Variants in SCYL2 observed in about 807,000 individuals in gnomAD.
The protein encoded by SCYL2 is SCY1 like pseudokinase 2.
In SCYL2, 36 loss-of-function variants were observed where a neutral mutation model predicts 100.4. The observed-to-expected ratio is 0.36, with a 90% confidence interval of 0.27 to 0.47. The LOEUF is 0.47. Ranked by LOEUF, SCYL2 falls within the 20% of genes least tolerant of loss-of-function variation. SCYL2 has a pLI of 1.00. For synonymous variants in SCYL2, 330 were observed against 359.2 expected, an observed-to-expected ratio of 0.92 and a Z score of 0.92; for missense variants, 902 against 1,083.9, an observed-to-expected ratio of 0.83 and a Z score of 2.36.
chr12:100,270,799 T>G lies in SCYL2; in HGVS notation c.-29+3007T>G, dbSNP rs79360866. Among the ~76,000 whole-genome samples the G allele has an allele frequency of 5.6e-3, 849 of 152,154 alleles. 9 individuals carry two copies. Among genetic ancestry groups the G allele is most frequent in the African/African-American group, 0.02 (810 of 41,506 alleles). On this transcript the variant is annotated intron_variant, in intron 1 of 17. Transcript: ENST00000360820. ...TTGCTTTTTAAATCTTAAATCTTAT[T>G]GTACAGTGGTCTTAAAATTTGTGAC...
chr12:100,281,828 C>T (rs1438225177), intron 1 of SCYL2, among the ~76,000 whole-genome samples: 13 of 141,216 alleles, frequency 9.2e-5, no homozygotes, highest in African/African-American at 1.3e-4. Flanking sequence ...AGCTAGACTC[C>T]GTCTCAAAAA....
In SCYL2 at chr12:100,338,945, C is replaced by G; in HGVS notation, c.2563C>G (p.Gln855Glu). 1 of 1,614,116 alleles carries G rather than the reference C, an allele frequency of 6.2e-7. No individual in the cohort carries two copies. ...TCAGAAACCCAAAGTTAGCATGAAC[C>G]AGTTATCACAACAGAAACCAAATCA... ...GPQKPKVSMN[Q>E]LSQQKPNQWL... is the part of the protein sequence containing the mutation. Residue 855 changes from glutamine (Q) to glutamate (E), a missense_variant, in exon 18 of 18, where the codon CAG becomes GAG. Gln to Glu is a conservative substitution (Grantham distance 29). Transcript: ENST00000360820.
chr12:100,271,745 C>T (rs2096287903), intron 1 of SCYL2, among the ~76,000 whole-genome samples: 1 of 151,994 alleles, frequency 6.6e-6, no homozygotes, highest in South Asian at 2.1e-4. Context: ...AATGGAAGCT[C>T]ATTCTGCTTT....
chr12:100,287,272 T>G (rs576361893), intron 2 of SCYL2, among the ~76,000 whole-genome samples: 6 of 152,082 alleles, frequency 3.9e-5, no homozygotes, highest in African/African-American at 1.4e-4. Flanking sequence ...TTCTTTGGTT[T>G]TTGTTGTTGT....
chr12:100,335,792 T>G lies in SCYL2; in HGVS notation c.1930-19T>G. The G allele has an allele frequency of 6.2e-7, 1 of 1,605,926 alleles. No individual in the cohort carries two copies. The highest frequency in any genetic ancestry group is 1.3e-5 in the African/African-American group (1 of 74,778). On this transcript the variant is annotated intron_variant, in intron 15 of 17. Transcript: ENST00000360820. The stretch of plus-strand genomic sequence containing the variant: ...TTTTTATTGAACTTATTTAAATTAT[T>G]GACATTTTTCTATTTCAGCAAATTG...
chr12:100,278,861 C>T (rs2135815151), intron 1 of SCYL2, among the ~76,000 whole-genome samples: 2 of 152,184 alleles, frequency 1.3e-5, no homozygotes, highest in East Asian at 3.9e-4. Flanking sequence ...ATCTTTTGAC[C>T]TTGTGATCTG....
chr12:100,283,975 T>C (rs2096301708), intron 2 of SCYL2, among the ~76,000 whole-genome samples: 1 of 152,184 alleles, frequency 6.6e-6, no homozygotes, highest in Admixed American at 6.5e-5. Context: ...TTTCTTCAAT[T>C]CACCATAAGC....
intron 1 of SCYL2, among the ~76,000 whole-genome samples, chr12:100,281,569 C>T (rs1387630433): frequency 6.6e-6 from 1 of 152,092 alleles, no homozygotes; most frequent in Non-Finnish European, 1.5e-5. Flanking sequence ...CGCTTTGGCT[C>T]ACGCCTGTAA....
At position 100,326,635 on chromosome 12, in the gene SCYL2, C is replaced by A. The variant is rs1486558360; in HGVS notation, c.1523C>A (p.Ser508Ter). ...CTCTTTTAATAGGTTCGTGTAAATT[C>A]ATTAGTGTGCTTAGGAAAGATTTTG... Reference protein sequence around the residue: ...QTSSLAVRVNSLVCLGKILEY... With the variant: ...QTSSLAVRVN Residue 508 changes from serine to a stop codon, truncating the protein, a stop_gained, in exon 12 of 18, where the codon TCA becomes TAA. Coordinates refer to ENST00000360820, the MANE Select transcript of SCYL2 (RefSeq NM_017988.6). LOFTEE classifies it high-confidence loss of function. The A allele has an allele frequency of 3.8e-6, 6 of 1,596,722 alleles. No individual in the cohort carries two copies. The highest frequency in any genetic ancestry group is 5.1e-6 in the Non-Finnish European group (6 of 1,174,332).
At chr12:100,307,160 G>A (rs2096335560) in intron 4 of SCYL2, among the ~76,000 whole-genome samples, 1 of 152,110 alleles carries the variant, frequency 6.6e-6, no homozygotes, top group Non-Finnish European at 1.5e-5. Flanking sequence ...ATTTCATATG[G>A]AACCAAAAAG....
At chr12:100,288,304 TTTTTTTTCTTTTC>T (rs1466738261) in intron 2 of SCYL2, among the ~76,000 whole-genome samples, 1 of 152,104 alleles carries the variant, frequency 6.6e-6, no homozygotes, top group African/African-American at 2.4e-5. Flanking sequence ...TTTTGTGAGT[TTTTTTTTCTTTTC>T]TTTTTTTCTT....
At chr12:100,296,421 A>G (rs2096320610) in intron 3 of SCYL2, among the ~76,000 whole-genome samples, 2 of 152,180 alleles carry the variant, frequency 1.3e-5, no homozygotes, top group Non-Finnish European at 2.9e-5. Context: ...GTTTTTCAAG[A>G]GTATGAGTAA....
intron 1 of SCYL2, among the ~76,000 whole-genome samples, chr12:100,269,808 A>G (rs927503596): frequency 6.6e-6 from 1 of 152,178 alleles, no homozygotes; most frequent in African/African-American, 2.4e-5. Context: ...CTCAGGATAC[A>G]GATATACTTC....
In SCYL2 at chr12:100,298,535, A is replaced by G. The variant is rs1482171342; in HGVS notation, c.480+360A>G. 5.9e-5 allele frequency among the ~76,000 whole-genome samples: 9 copies of G among 152,326 alleles called. No individual in the cohort carries two copies. In the East Asian group the frequency reaches 1.7e-3, roughly 29 times the overall value. On this transcript the variant is annotated intron_variant, in intron 4 of 17. Coordinates refer to ENST00000360820, the MANE Select transcript of SCYL2 (RefSeq NM_017988.6). ...TTAAGGAATTTAGTTAGTGATATCA[A>G]GAGGTATTGTTAGCCTTTTCTTTTC...
At chr12:100,276,521 A>C (rs1449789494) in intron 1 of SCYL2, among the ~76,000 whole-genome samples, 1 of 151,972 alleles carries the variant, frequency 6.6e-6, no homozygotes, top group Non-Finnish European at 1.5e-5. Context: ...TTGTTTTTGT[A>C]GAAACAGGGT....
At chr12:100,275,275 C>T (rs2096291397) in intron 1 of SCYL2, among the ~76,000 whole-genome samples, 1 of 151,870 alleles carries the variant, frequency 6.6e-6, no homozygotes, top group South Asian at 2.1e-4. Context: ...GATCACAGCT[C>T]ACTGCGTCCT....
At chr12:100,269,382 C>T (rs961963446) in intron 1 of SCYL2, among the ~76,000 whole-genome samples, 1 of 152,008 alleles carries the variant, frequency 6.6e-6, no homozygotes, top group South Asian at 2.1e-4. Flanking sequence ...GGAAGACTTT[C>T]CTGATTAGAA....
Position 100,298,845 on chromosome 12 carries a change from G to A in SCYL2, c.480+670G>A, listed in dbSNP as rs59006604. Among the ~76,000 whole-genome samples the A allele has an allele frequency of 5.6e-3, 858 of 152,232 alleles. 9 individuals are homozygous for A. The highest frequency in any genetic ancestry group is 0.02 in the African/African-American group (819 of 41,536). ...GATCCACCCACCTCGGCCTCCCAAA[G>A]TGCTGGGATTACAAGAGTGAGCCAC... On this transcript the variant is annotated intron_variant, in intron 4 of 17. Coordinates refer to ENST00000360820, the MANE Select transcript of SCYL2 (RefSeq NM_017988.6).
chr12:100,329,417 G>T, intron 13 of SCYL2, 98 bp downstream of exon 13: 1 of 607,940 alleles, frequency 1.6e-6, no homozygotes, highest in East Asian at 2.6e-5. Flanking sequence ...AAAAAAAAAG[G>T]GTGAGGGGAG....
Sources: gnomAD v4.1 joint callset for allele counts (sites outside exome capture counted in the v4.1 genomes callset) on GRCh38, gnomAD v4.1.1 for gene constraint, MANE v1.5 for transcripts, NCBI Gene and HGNC (gene_info 2026-07-23, HGNC 2026-07-21) for gene names.